Variants in RANBP2 observed in about 807,000 individuals in gnomAD.
The protein encoded by RANBP2 is RAN binding protein 2, also known as E3 SUMO-protein ligase RanBP2.
A neutral mutation model predicts 303.6 loss-of-function variants in RANBP2; 57 were observed. That is an observed-to-expected ratio of 0.19 (90% CI 0.15 to 0.23). The LOEUF (loss-of-function observed/expected upper bound fraction) is 0.23. RANBP2 is among the 10% of genes least tolerant of loss of function. The pLI is 1.00. For synonymous variants in RANBP2, 1,167 were observed against 1,301.5 expected, an observed-to-expected ratio of 0.90 and a Z score of 2.23; for missense variants, 3,138 against 3,780.8, an observed-to-expected ratio of 0.83 and a Z score of 4.46.
the RANBP2 span, among the ~76,000 whole-genome samples, chr2:108,833,005 A>G: frequency 6.6e-6 from 1 of 152,236 alleles, no homozygotes; most frequent in African/African-American, 2.4e-5. Flanking sequence ...GCTCAGTGAA[A>G]GAAGCCAGCC....
rs745902007 is a variant in RANBP2 at position 108,766,435 on chromosome 2, C to G, written c.5896C>G (p.Pro1966Ala). 1 of 1,611,660 alleles carries G rather than the reference C, an allele frequency of 6.2e-7. No homozygotes were observed. Among genetic ancestry groups the G allele is most frequent in the African/African-American group, 1.3e-5 (1 of 74,776 alleles). Residue 1966 changes from proline (P) to alanine (A), a missense_variant, in exon 20 of 29, where the codon CCC (proline) becomes GCC (alanine). Around this residue, in one of 20 missense-constraint regions of RANBP2, gnomAD observed 348 missense variants for 360.4 expected, o/e 0.97. Transcript: ENST00000283195. The stretch of plus-strand genomic sequence containing the variant: ...AGGATTTCAGTTTGGCAAAAAAGAC[C>G]CCAATTTCAAGGGATTTTCAGGTGC... ...GEGFQFGKKDPNFKGFSGAGE... is the reference protein window; with the variant it reads ...GEGFQFGKKDANFKGFSGAGE...
the RANBP2 span, among the ~76,000 whole-genome samples, chr2:109,006,209 T>A: frequency 6.6e-6 from 1 of 152,084 alleles, no homozygotes; most frequent in Non-Finnish European, 1.5e-5. Flanking sequence ...TTTTTTTAAT[T>A]TTTAGACAGA....
At chr2:109,077,750 T>C in the RANBP2 span, among the ~76,000 whole-genome samples, 1 of 149,936 alleles carries the variant, frequency 6.7e-6, no homozygotes, top group East Asian at 1.9e-4. Flanking sequence ...AAATCAAAAC[T>C]AGAATGAGAT....
the RANBP2 span, among the ~76,000 whole-genome samples, chr2:109,381,536 G>A: frequency 6.6e-5 from 10 of 152,114 alleles, no homozygotes; most frequent in East Asian, 1.9e-3. Context: ...CCATCACGGT[G>A]CCCTGACTCA....
chr2:108,989,102 G>T, the RANBP2 span: 1 of 152,632 alleles, frequency 6.6e-6, no homozygotes, highest in East Asian at 1.9e-4. Context: ...ATGTCCTTAG[G>T]GGCCAGCAGG....
the RANBP2 span, among the ~76,000 whole-genome samples, chr2:109,639,576 A>G: frequency 2.0e-5 from 3 of 151,934 alleles, no homozygotes; most frequent in East Asian, 1.9e-4. Flanking sequence ...CCGAGATTGC[A>G]CCACTGCACT....
At chr2:109,522,283 T>TA in the RANBP2 span, among the ~76,000 whole-genome samples, 8,998 of 149,460 alleles carry the variant, frequency 0.06, 804 homozygotes, top group African/African-American at 0.19. Flanking sequence ...TTCTTTTTTT[T>TA]AAAAAAAAAC....
At chr2:109,204,051 C>T in the RANBP2 span, among the ~76,000 whole-genome samples, 3 of 152,140 alleles carry the variant, frequency 2.0e-5, no homozygotes, top group East Asian at 1.9e-4. Flanking sequence ...GGAGGCCATT[C>T]GAAAAATGCC....
chr2:108,864,292 T>G, the RANBP2 span, among the ~76,000 whole-genome samples: 1 of 152,150 alleles, frequency 6.6e-6, no homozygotes, highest in African/African-American at 2.4e-5. Flanking sequence ...ATTTATTTAT[T>G]AAAAAAAGAT....
At chr2:109,274,359 G>C in the RANBP2 span, among the ~76,000 whole-genome samples, 2 of 152,220 alleles carry the variant, frequency 1.3e-5, no homozygotes, top group African/African-American at 2.4e-5. Context: ...TATTTACACA[G>C]TAGCGAAAAG....
rs185851461 is a variant in RANBP2, at chr2:108,758,343, T to C, written c.2467-70T>C. ...TTATTTAAATTTAAAAGAGTAAGTTTCCCCAGCACTGTTTCTGTCATGATA... is the reference window on the plus strand; with the variant it reads ...TTATTTAAATTTAAAAGAGTAAGTTCCCCCAGCACTGTTTCTGTCATGATA... On this transcript the variant is annotated intron_variant, in intron 17 of 28. Coordinates refer to ENST00000283195, the MANE Select transcript of RANBP2 (RefSeq NM_006267.5). 2,191 of 1,586,136 alleles carry C rather than the reference T, an allele frequency of 1.4e-3. 54 individuals carry two copies. In the Admixed American group the frequency reaches 0.037, roughly 27 times the overall value.
intron 26 of RANBP2, 53 bp from the exon 27 acceptor site, chr2:108,782,075 C>A: frequency 6.3e-7 from 1 of 1,584,744 alleles, no homozygotes; most frequent in South Asian, 1.2e-5. Context: ...TGAAATTTGT[C>A]ATGGAATTTA....
chr2:108,827,404 C>T, the RANBP2 span, among the ~76,000 whole-genome samples: 2 of 152,066 alleles, frequency 1.3e-5, no homozygotes, highest in African/African-American at 2.4e-5. Flanking sequence ...TAGAAAACTA[C>T]AAATTTTATT....
At chr2:109,306,367 C>T in the RANBP2 span, among the ~76,000 whole-genome samples, 1 of 152,232 alleles carries the variant, frequency 6.6e-6, no homozygotes, top group Non-Finnish European at 1.5e-5. Context: ...ACTCCAGCAG[C>T]ACCTGCAGAG....
chr2:109,734,891 T>A, the RANBP2 span, among the ~76,000 whole-genome samples: 1 of 152,184 alleles, frequency 6.6e-6, no homozygotes, highest in Non-Finnish European at 1.5e-5. Context: ...CACATAATGA[T>A]TGCACATGTT....
Position 108,740,524 on chromosome 2 carries a change from G to A in RANBP2, c.818G>A (p.Gly273Asp), listed in dbSNP as rs553933395. 1.3e-6 allele frequency: 2 copies of A among 1,597,502 alleles called. No homozygotes were observed. The highest frequency in any genetic ancestry group is 2.2e-5 in the South Asian group (2 of 90,980). ...DSALQSVKSLGGNDELSATFL... is the reference protein window; with the variant it reads ...DSALQSVKSLDGNDELSATFL... ...GCTCTTCAGTCTGTGAAATCTTTGG[G>A]TGGAAATGATGAACTGTCAGCTACT... The change falls in exon 7 of 29, where the codon GGT becomes GAT. Residue 273 changes from glycine (G) to aspartate (D), a missense_variant. Gly to Asp is a moderately conservative substitution (Grantham distance 94, BLOSUM62 -1). This residue lies in a region of RANBP2 where 306 missense variants were observed against 381.9 expected (regional missense o/e 0.80). Coordinates refer to ENST00000283195, the MANE Select transcript of RANBP2 (RefSeq NM_006267.5).
the RANBP2 span, among the ~76,000 whole-genome samples, chr2:109,676,274 A>G: frequency 0.016 from 2,402 of 152,150 alleles, 69 homozygotes; most frequent in African/African-American, 0.054. Flanking sequence ...CTCCGTTAGC[A>G]CCTCCATCAC....
chr2:109,209,253 G>A, the RANBP2 span, among the ~76,000 whole-genome samples: 3 of 152,186 alleles, frequency 2.0e-5, no homozygotes, highest in Non-Finnish European at 4.4e-5. Context: ...AAACTGAGAG[G>A]TCATCACATT....
chr2:108,860,519 TTTTTTTTATCCTAAAGAGATGTTGGA>T, the RANBP2 span, among the ~76,000 whole-genome samples: 1 of 152,022 alleles, frequency 6.6e-6, no homozygotes, highest in African/African-American at 2.4e-5. Flanking sequence ...TGAGGTTTTT[TTTTTTTTATCCTAAAGAGATGTTGGA>T]TTTTATCTCA....
Sources: gnomAD v4.1 joint callset for allele counts (sites outside exome capture counted in the v4.1 genomes callset) on GRCh38, gnomAD v4.1.1 for gene constraint, gnomAD v4.1.1 regional missense constraint, MANE v1.5 for transcripts, NCBI Gene and HGNC (gene_info 2026-07-23, HGNC 2026-07-21) for gene names.